GABPB1: variants seen among roughly 807,000 people sequenced by gnomAD.
GABPB1 encodes GA-binding protein subunit beta-1.
In GABPB1, 15 loss-of-function variants were observed where a neutral mutation model predicts 45.9. The observed-to-expected ratio is 0.33, with a 90% confidence interval of 0.22 to 0.50. The LOEUF (loss-of-function observed/expected upper bound fraction) is 0.50, where lower values mean the gene tolerates loss of function less well. GABPB1 is among the 20% of genes least tolerant of loss of function. The probability of loss-of-function intolerance (pLI) is 0.98; values close to 1 mark genes in which losing one functional copy is unlikely to be tolerated. For missense variants in GABPB1, 252 were observed against 457.5 expected (o/e 0.55, Z 4.10); for synonymous variants, 143 against 154.4 (o/e 0.93, Z 0.55).
Position 50,277,914 on chromosome 15 carries a change from T to C in GABPB1, c.*718A>G, listed in dbSNP as rs891045465. 2.2e-4 allele frequency: 34 copies of C among 151,240 alleles called. No homozygotes were observed. The highest frequency in any genetic ancestry group is 8.2e-4 in the African/African-American group (33 of 40,186). 9.4% of individuals were successfully genotyped at this position (151,240 alleles called of 1,614,324 possible). On this transcript the variant is annotated 3_prime_UTR_variant, in exon 9 of 9. Coordinates refer to ENST00000380877, the MANE Select transcript of GABPB1 (RefSeq NM_016654.5). Reference sequence around the variant, plus strand: ...CAGCTGCCAGCTTACTTCGTTTCAATGACCTACAGAGTAAAGGGGTTTTGT... The same window carrying C: ...CAGCTGCCAGCTTACTTCGTTTCAACGACCTACAGAGTAAAGGGGTTTTGT...
chr15:50,298,588 T>A (rs1309499898), intron 6 of GABPB1, among the ~76,000 whole-genome samples: 1 of 152,104 alleles, frequency 6.6e-6, no homozygotes, highest in Non-Finnish European at 1.5e-5. Context: ...ATCTTAAGAC[T>A]CCCAAATATA....
At chr15:50,325,620 C>T (rs1192127336) in intron 1 of GABPB1, among the ~76,000 whole-genome samples, 3 of 152,090 alleles carry the variant, frequency 2.0e-5, no homozygotes, top group Non-Finnish European at 4.4e-5. Flanking sequence ...CAAGCTCCGC[C>T]TCCGGGGTTC....
At position 50,285,685 on chromosome 15, in the gene GABPB1, C is replaced by A. The variant is rs552039684; in HGVS notation, c.999+383G>T. Among the ~76,000 whole-genome samples, 79 of 152,130 alleles carry A rather than the reference C, an allele frequency of 5.2e-4. 1 individual carries two copies. Among genetic ancestry groups the A allele is most frequent in the African/African-American group, 1.7e-3 (72 of 41,514 alleles). ...CAACCTCCTTTAAGAGGACCCCTAG[C>A]CCAATTAGGCATTTGAGTTTCAGTT... On this transcript the variant is annotated intron_variant, in intron 8 of 8. Coordinates refer to ENST00000380877, the MANE Select transcript of GABPB1 (RefSeq NM_016654.5).
At chr15:50,338,887 T>C (rs1410485491) in intron 1 of GABPB1, among the ~76,000 whole-genome samples, 3 of 152,220 alleles carry the variant, frequency 2.0e-5, no homozygotes, top group Non-Finnish European at 2.9e-5. Flanking sequence ...ATTGGAACCA[T>C]AGGCCAAACA....
At chr15:50,345,253 G>A (rs1012238385) in intron 1 of GABPB1, among the ~76,000 whole-genome samples, 14 of 152,176 alleles carry the variant, frequency 9.2e-5, no homozygotes, top group African/African-American at 3.1e-4. Context: ...AAAAGAGTCA[G>A]GATGAAGCCA....
intron 6 of GABPB1, among the ~76,000 whole-genome samples, chr15:50,292,123 G>A (rs542968754): frequency 4.7e-5 from 7 of 150,510 alleles, no homozygotes; most frequent in Non-Finnish European, 7.4e-5. Context: ...TCAGGAGATC[G>A]AGACCACATT....
At chr15:50,307,208 T>A (rs1210538773) in intron 2 of GABPB1, among the ~76,000 whole-genome samples, 1 of 152,168 alleles carries the variant, frequency 6.6e-6, no homozygotes, top group Non-Finnish European at 1.5e-5. Context: ...TCCCACCATC[T>A]CCTCACCAAG....
chr15:50,276,262 G>A lies in GABPB1; in HGVS notation c.*2370C>T, dbSNP rs964057443. 1 of 152,222 alleles carries A rather than the reference G, an allele frequency of 6.6e-6. No individual in the cohort carries two copies. Among genetic ancestry groups the A allele is most frequent in the Non-Finnish European group, 1.5e-5 (1 of 68,038 alleles). 9.4% of individuals were successfully genotyped at this position (152,222 alleles called of 1,614,324 possible). On this transcript the variant is annotated 3_prime_UTR_variant, in exon 9 of 9. Coordinates refer to ENST00000380877, the MANE Select transcript of GABPB1 (RefSeq NM_016654.5). ...TTTTTGTCAGTTCTTTAAATCCTCTGTTCAGAGCACTATTGAGAATGACTA... is the reference window on the plus strand; with the variant it reads ...TTTTTGTCAGTTCTTTAAATCCTCTATTCAGAGCACTATTGAGAATGACTA...
At chr15:50,323,564 G>T (rs922164150) in intron 1 of GABPB1, among the ~76,000 whole-genome samples, 4 of 152,142 alleles carry the variant, frequency 2.6e-5, no homozygotes, top group Admixed American at 2.6e-4. Flanking sequence ...TCTCTCACAG[G>T]GTTGTTCTGA....
intron 1 of GABPB1, among the ~76,000 whole-genome samples, chr15:50,323,686 A>G (rs2047653426): frequency 6.6e-6 from 1 of 151,934 alleles, no homozygotes; most frequent in Admixed American, 6.6e-5. Flanking sequence ...ACACAGAGAG[A>G]TAGCACCTTT....
chr15:50,345,852 C>T (rs1308636554), intron 1 of GABPB1, among the ~76,000 whole-genome samples: 1 of 152,064 alleles, frequency 6.6e-6, no homozygotes, highest in Non-Finnish European at 1.5e-5. Flanking sequence ...GCTGGAACTA[C>T]AGGCGCTCGC....
At chr15:50,349,568 C>T (rs908345306) in intron 1 of GABPB1, 17 of 152,198 alleles carry the variant, frequency 1.1e-4, no homozygotes, top group African/African-American at 4.1e-4. Flanking sequence ...AAATATTACA[C>T]ATAAGAGTAA....
Position 50,303,575 on chromosome 15 carries a change from G to A in GABPB1, c.276+391C>T, listed in dbSNP as rs570116125. Among the ~76,000 whole-genome samples, 15 of 151,882 alleles carry A rather than the reference G, an allele frequency of 9.9e-5. No individual in the cohort carries two copies. The East Asian group carries it at 1.4e-3, about 14-fold the overall frequency. ...TGGGCGCCTGTAGTCCCAGCTACTCGGGAGGCTGAGGCAGGAGAATCACTT... is the reference window on the plus strand; with the variant it reads ...TGGGCGCCTGTAGTCCCAGCTACTCAGGAGGCTGAGGCAGGAGAATCACTT... On this transcript the variant is annotated intron_variant, in intron 3 of 8. Coordinates refer to ENST00000380877, the MANE Select transcript of GABPB1 (RefSeq NM_016654.5).
intron 1 of GABPB1, chr15:50,352,094 T>C (rs2048854739): frequency 2.0e-5 from 3 of 152,174 alleles, no homozygotes; most frequent in South Asian, 2.1e-4. Context: ...GAACTCAGGC[T>C]ACTTGCAAAC....
In GABPB1 at chr15:50,300,850, T is replaced by C. The variant is rs2046713734; in HGVS notation, c.636A>G (p.Leu212=). The C allele has an allele frequency of 1.9e-6, 3 of 1,613,264 alleles. No individual in the cohort carries two copies. The highest frequency in any genetic ancestry group is 2.5e-6 in the Non-Finnish European group (3 of 1,179,288). ...CTTCAGCTAAGGCAGCTAATGTAGC[T>C]AATACTGATGTAGAAGAGTTTCCAA... ...VQFGNSSTSV[L]ATLAALAEAS... The change falls in exon 6 of 9, where the codon TTA becomes TTG. Residue 212 remains leucine (L), a synonymous_variant. Coordinates refer to ENST00000380877, the MANE Select transcript of GABPB1 (RefSeq NM_016654.5).
chr15:50,309,472 A>C (rs1455809564), intron 2 of GABPB1, among the ~76,000 whole-genome samples: 1 of 152,168 alleles, frequency 6.6e-6, no homozygotes, highest in Non-Finnish European at 1.5e-5. Flanking sequence ...TTGAAAGAAA[A>C]ACTCTTTGTG....
In GABPB1 at chr15:50,316,423, TTAAA is replaced by T. The variant is rs2047330683; in HGVS notation, c.1-6629_1-6626del. Among the ~76,000 whole-genome samples the T allele has an allele frequency of 3.9e-5, 6 of 152,326 alleles. No individual in the cohort carries two copies. The South Asian group carries it at 1.2e-3, about 32-fold the overall frequency. On this transcript the variant is annotated intron_variant, in intron 1 of 8. Transcript: ENST00000380877. ...TCCACGTGAATGGTTACTAGCACTC[TTAAA>T]TAAGAATATGAATTTTTAAAATGTT...
At chr15:50,287,813 C>A (rs549587039) in intron 7 of GABPB1, among the ~76,000 whole-genome samples, 2 of 152,276 alleles carry the variant, frequency 1.3e-5, no homozygotes, top group East Asian at 3.9e-4. Flanking sequence ...AAATTTCAGA[C>A]CAGCTATCAG....
chr15:50,281,676 C>T (rs534687508), intron 8 of GABPB1, among the ~76,000 whole-genome samples: 2 of 152,260 alleles, frequency 1.3e-5, no homozygotes, highest in South Asian at 4.1e-4. Flanking sequence ...TTCAAATTGT[C>T]TATGGCTGCT....
Sources: gnomAD v4.1 joint callset for allele counts (sites outside exome capture counted in the v4.1 genomes callset) on GRCh38, gnomAD v4.1.1 for gene constraint, MANE v1.5 for transcripts, NCBI Gene and HGNC (gene_info 2026-07-23, HGNC 2026-07-21) for gene names.